Variants in XRN1 observed in about 807,000 individuals in gnomAD.
XRN1 encodes strand-exchange protein 1 homolog.
XRN1 carries 67 observed loss-of-function variants against 222.3 expected under a neutral mutation model. That is an observed-to-expected ratio of 0.30 (90% CI 0.25 to 0.37). The LOEUF (loss-of-function observed/expected upper bound fraction) is 0.37. Ranked by LOEUF, XRN1 falls within the 10% of genes least tolerant of loss-of-function variation. The probability of loss-of-function intolerance (pLI) is 1.00; values close to 1 mark genes in which losing one functional copy is unlikely to be tolerated. For synonymous variants in XRN1, 643 were observed against 652.4 expected (o/e 0.99, Z 0.22); for missense variants, 1,707 against 2,000.2 (o/e 0.85, Z 2.80).
chr3:142,417,230 C>T lies in XRN1; in HGVS notation c.1347-1G>A. On this transcript the variant is annotated splice_acceptor_variant, in intron 12 of 40. Coordinates refer to ENST00000392981, the MANE Select transcript of XRN1 (RefSeq NM_001282857.2). LOFTEE classifies it high-confidence loss of function. ...TGCAGCTTGATCAGCCAGAAAGTCA[C>T]TGAAAATAGAATATTTTCATTATAA... 1 of 1,612,546 alleles carries T rather than the reference C, an allele frequency of 6.2e-7. No homozygotes were observed. Among genetic ancestry groups the T allele is most frequent in the Non-Finnish European group, 8.5e-7 (1 of 1,179,192 alleles).
intron 19 of XRN1, among the ~76,000 whole-genome samples, chr3:142,400,211 A>T (rs1351164414): frequency 1.3e-5 from 2 of 152,252 alleles, no homozygotes; most frequent in African/African-American, 4.8e-5. Flanking sequence ...TAGAACTTCC[A>T]AGAAATTAAA....
At chr3:142,389,286 A>C (rs1387662573) in intron 20 of XRN1, among the ~76,000 whole-genome samples, 2 of 152,114 alleles carry the variant, frequency 1.3e-5, no homozygotes, top group African/African-American at 4.8e-5. Flanking sequence ...ATTCATTTCC[A>C]TCTTAAGGCT....
chr3:142,416,199 C>CA (rs771359493), intron 13 of XRN1, among the ~76,000 whole-genome samples: 11 of 152,150 alleles, frequency 7.2e-5, no homozygotes, highest in South Asian at 4.1e-4. Context: ...ATTTGAGAGA[C>CA]AGAGTCTTGT....
intron 20 of XRN1, among the ~76,000 whole-genome samples, chr3:142,391,749 A>AAAATAT (rs1553733834): frequency 2.0e-4 from 21 of 103,436 alleles, no homozygotes; most frequent in African/African-American, 7.5e-4. Context: ...AAAAAAAAAA[A>AAAATAT]ATATATATAT....
At chr3:142,408,243 A>G (rs1167519566) in intron 15 of XRN1, among the ~76,000 whole-genome samples, 1 of 152,236 alleles carries the variant, frequency 6.6e-6, no homozygotes, top group African/African-American at 2.4e-5. Flanking sequence ...GAAGTAATAC[A>G]GTGAGTAATG....
intron 39 of XRN1, among the ~76,000 whole-genome samples, chr3:142,314,024 G>A (rs2065142972): frequency 6.6e-6 from 1 of 152,168 alleles, no homozygotes; most frequent in African/African-American, 2.4e-5. Context: ...AAGATGCTAT[G>A]CTAATCTTAT....
At chr3:142,346,909 T>C (rs1392510292) in intron 33 of XRN1, among the ~76,000 whole-genome samples, 1 of 152,156 alleles carries the variant, frequency 6.6e-6, no homozygotes, top group East Asian at 1.9e-4. Context: ...AAGCCAGTCA[T>C]AAAAGTTCAT....
intron 37 of XRN1, among the ~76,000 whole-genome samples, chr3:142,326,980 T>C (rs1488830996): frequency 6.6e-6 from 1 of 152,224 alleles, no homozygotes; most frequent in South Asian, 2.1e-4. Flanking sequence ...TTGATCATGA[T>C]GAATTATCTT....
At chr3:142,378,756 TC>T (rs1433820345) in intron 23 of XRN1, among the ~76,000 whole-genome samples, 2 of 151,846 alleles carry the variant, frequency 1.3e-5, no homozygotes, top group African/African-American at 4.8e-5. Flanking sequence ...TGGAAGGGCA[TC>T]AGTTGCAAGC....
chr3:142,381,695 T>C (rs966377486), intron 22 of XRN1, among the ~76,000 whole-genome samples: 4 of 151,690 alleles, frequency 2.6e-5, no homozygotes, highest in Admixed American at 1.3e-4. Flanking sequence ...GCCTCCCAAG[T>C]AGCTGAGATT....
intron 18 of XRN1, 43 bp downstream of exon 18, chr3:142,403,631 C>T (rs374704467): frequency 3.0e-5 from 47 of 1,553,806 alleles, no homozygotes; most frequent in Non-Finnish European, 3.8e-5. Context: ...CAGTTTAATA[C>T]ATTATAGGCA....
intron 34 of XRN1, among the ~76,000 whole-genome samples, chr3:142,334,279 G>A (rs1322628434): frequency 6.6e-6 from 1 of 151,930 alleles, no homozygotes. Flanking sequence ...ACCGTTTACT[G>A]GTATCTAAAC....
chr3:142,444,887 A>C (rs2070435546), intron 1 of XRN1, among the ~76,000 whole-genome samples: 1 of 152,208 alleles, frequency 6.6e-6, no homozygotes, highest in Non-Finnish European at 1.5e-5. Context: ...CTTTTTTAAA[A>C]AATACTGTTT....
chr3:142,333,793 C>T (rs116081834), intron 34 of XRN1, among the ~76,000 whole-genome samples: 2,140 of 152,168 alleles, frequency 0.014, 20 homozygotes, highest in South Asian at 0.043. Flanking sequence ...TATGAGAAGA[C>T]GCATCATCTG....
In XRN1 at chr3:142,422,583, C is replaced by T. The variant is rs776668769; in HGVS notation, c.966G>A (p.Gly322=). Residue 322 remains glycine, a splice_region_variant and synonymous_variant, in exon 8 of 41, where the codon GGG becomes GGA. Transcript: ENST00000392981. The stretch of plus-strand genomic sequence containing the variant: ...GAGAGATTATTAAATTCTTCTTACC[C>T]CCAAGTTCTGGCAGGATGGTAACAT... The part of the protein sequence containing the change: ...GTYVTILPEL[G]GYINESGHLN... 4 of 1,612,596 alleles carry T rather than the reference C, an allele frequency of 2.5e-6. 1 individual carries two copies. Among genetic ancestry groups the T allele is most frequent in the East Asian group, 2.2e-5 (1 of 44,774 alleles).
chr3:142,426,616 G>A (rs886379872), intron 3 of XRN1, 128 bp downstream of exon 3: 14 of 814,968 alleles, frequency 1.7e-5, no homozygotes, highest in Non-Finnish European at 2.6e-5. Flanking sequence ...GCAAACATAA[G>A]TGGGAAAATA....
chr3:142,424,064 T>A (rs1230037632), intron 5 of XRN1, among the ~76,000 whole-genome samples: 1 of 149,788 alleles, frequency 6.7e-6, no homozygotes, highest in East Asian at 1.9e-4. Context: ...AAAAAAAAAA[T>A]GGAAAAGAGC....
intron 33 of XRN1, among the ~76,000 whole-genome samples, chr3:142,337,725 G>A (rs1428345651): frequency 3.3e-5 from 5 of 152,102 alleles, no homozygotes; most frequent in Admixed American, 1.3e-4. Flanking sequence ...ATATAATTTG[G>A]AGTATATAAT....
At chr3:142,431,909 TA>T (rs1196339607) in intron 2 of XRN1, among the ~76,000 whole-genome samples, 3 of 36,220 alleles carry the variant, frequency 8.3e-5, no homozygotes, top group African/African-American at 2.1e-4. Flanking sequence ...ATATTATATA[TA>T]TAAATATATA....
Sources: allele counts gnomAD v4.1 joint callset (sites outside exome capture counted in the v4.1 genomes callset), GRCh38; gene constraint gnomAD v4.1.1; transcripts MANE v1.5; gene names NCBI Gene and HGNC (gene_info 2026-07-23, HGNC 2026-07-21).